The following NFASC variants were observed in gnomAD, a reference collection of about 807,000 sequenced individuals.
NFASC encodes the protein neurofascin homolog.
In NFASC, 43 loss-of-function variants were observed where a neutral mutation model predicts 147.5. That is an observed-to-expected ratio of 0.29 (90% CI 0.23 to 0.38). The LOEUF (loss-of-function observed/expected upper bound fraction) is 0.38. NFASC is among the 10% of genes least tolerant of loss of function. The probability of loss-of-function intolerance (pLI) is 1.00; values close to 1 mark genes in which losing one functional copy is unlikely to be tolerated. For missense variants in NFASC, 1,320 were observed against 1,689.0 expected, an observed-to-expected ratio of 0.78 and a Z score of 3.83; for synonymous variants, 622 against 665.5, an observed-to-expected ratio of 0.93 and a Z score of 1.01.
intron 21 of NFASC, among the ~76,000 whole-genome samples, chr1:204,983,656 A>G (rs550409408): frequency 1.3e-5 from 2 of 152,286 alleles, no homozygotes; most frequent in East Asian, 3.9e-4. Flanking sequence ...GGTTAAACCC[A>G]TCTGGAAGCC....
chr1:204,859,952 G>T (rs2076516270), intron 1 of NFASC, among the ~76,000 whole-genome samples: 1 of 152,190 alleles, frequency 6.6e-6, no homozygotes, highest in Non-Finnish European at 1.5e-5. Context: ...ATAAAGCCTT[G>T]AGCTGGGGGT....
At chr1:204,958,361 G>A (rs2094518298) in intron 8 of NFASC, among the ~76,000 whole-genome samples, 1 of 152,204 alleles carries the variant, frequency 6.6e-6, no homozygotes. Flanking sequence ...TGTATATGCT[G>A]AACCATATGG....
intron 1 of NFASC, among the ~76,000 whole-genome samples, chr1:204,889,016 G>A (rs941986183): frequency 2.0e-5 from 3 of 152,166 alleles, no homozygotes; most frequent in East Asian, 3.9e-4. Flanking sequence ...GATGCTTCCC[G>A]TGGGTTGTCA....
At chr1:204,886,712 G>A (rs2081375691) in intron 1 of NFASC, among the ~76,000 whole-genome samples, 1 of 152,146 alleles carries the variant, frequency 6.6e-6, no homozygotes, top group South Asian at 2.1e-4. Context: ...TGAGGCCCAG[G>A]GAGACGCAAC....
chr1:204,979,537 G>A lies in NFASC; in HGVS notation c.2154G>A (p.Glu718=). 6.2e-7 allele frequency: 1 copy of A among 1,613,676 alleles called. No homozygotes were observed. Among genetic ancestry groups the A allele is most frequent in the Non-Finnish European group, 8.5e-7 (1 of 1,179,988 alleles). ...GCAGCCACCCCAGCCTCCCATCCGA[G>A]CGCTACCGAACCAGTGGAGCACGTG... The part of the protein sequence containing the change: ...VGSSHPSLPS[E]RYRTSGAPPE... Residue 718 remains glutamate (E), a synonymous_variant, in exon 19 of 30, where the codon GAG becomes GAA. Coordinates refer to ENST00000339876, the MANE Select transcript of NFASC (RefSeq NM_001005388.3). This position sits in a 1 kb window ranked among gnomAD's most constrained non-coding sequence, Gnocchi z 6.0.
chr1:204,963,921 G>A (rs2094813876), intron 8 of NFASC, among the ~76,000 whole-genome samples: 3 of 152,318 alleles, frequency 2.0e-5, no homozygotes, highest in Non-Finnish European at 4.4e-5. Flanking sequence ...TGTAGCAGGA[G>A]GGCCACCCCA....
chr1:204,972,688 A>C (rs2095295486), intron 11 of NFASC, among the ~76,000 whole-genome samples: 1 of 152,206 alleles, frequency 6.6e-6, no homozygotes, highest in African/African-American at 2.4e-5. Flanking sequence ...TAACTTTATG[A>C]ATGTTTGGAG....
In NFASC at chr1:204,962,207, A is replaced by T. The variant is rs201398305; in HGVS notation, c.706+4381A>T. On this transcript the variant is annotated intron_variant, in intron 8 of 29. Coordinates refer to ENST00000339876, the MANE Select transcript of NFASC (RefSeq NM_001005388.3). ...GAGTAACCTTGCCTGTGCTAACCCCAGTTTGCCTAACTTGACTGATACCAC... is the reference window on the plus strand; with the variant it reads ...GAGTAACCTTGCCTGTGCTAACCCCTGTTTGCCTAACTTGACTGATACCAC... 2.5e-5 allele frequency: 38 copies of T among 1,504,980 alleles called. No individual in the cohort carries two copies. The African/African-American group carries it at 4.8e-4, about 19-fold the overall frequency. The allele number at this position is 1,504,980 out of a possible 1,614,324, so 93.2% of individuals were successfully genotyped here. A position where few individuals can be genotyped will look rare whatever the true frequency, so the allele number is the denominator to read the frequency against.
In NFASC at chr1:204,887,586, C is replaced by CTTTTTTTTTTTTT. The variant is rs200468415; in HGVS notation, c.-199-33028_-199-33016dup. Among the ~76,000 whole-genome samples, 6 of 42,336 alleles carry CTTTTTTTTTTTTT rather than the reference C, an allele frequency of 1.4e-4. 2 individuals are homozygous for CTTTTTTTTTTTTT. The highest frequency in any genetic ancestry group is 6.9e-4 in the Admixed American group (2 of 2,914). The allele number at this position is 42,336 out of a possible 152,430, so 27.8% of individuals were successfully genotyped here. A position where few individuals can be genotyped will look rare whatever the true frequency, so the allele number is the denominator to read the frequency against. On this transcript the variant is annotated intron_variant, in intron 1 of 29. Transcript: ENST00000339876. ...TAATTTTTTTGAGGAGCCTGATTGG[C>CTTTTTTTTTTTTT]TTTTTTTTTTTTTTTTTTTTTTTTT...
intron 1 of NFASC, among the ~76,000 whole-genome samples, chr1:204,891,840 GT>G (rs1479120348): frequency 1.3e-5 from 2 of 151,980 alleles, no homozygotes; most frequent in Non-Finnish European, 2.9e-5. Flanking sequence ...GAAGAGGCAC[GT>G]TGCCCAGGCA....
Position 205,015,672 on chromosome 1 carries a change from CCA to C in NFASC, c.3492-634_3492-633del, listed in dbSNP as rs1186004779. Reference sequence around the variant, plus strand: ...ATCACCTGCTTACCTGTGTGCCCCCCCACCACCACCACTCTTGCGCACCTGTG... The same window carrying C: ...ATCACCTGCTTACCTGTGTGCCCCCCCCACCACCACTCTTGCGCACCTGTG... On this transcript the variant is annotated intron_variant, in intron 29 of 29. Transcript: ENST00000339876. The surrounding 1 kb of genome is among the most constrained non-coding windows in gnomAD (Gnocchi z 4.0). Among the ~76,000 whole-genome samples the C allele has an allele frequency of 6.6e-6, 1 of 152,110 alleles. No homozygotes were observed. The highest frequency in any genetic ancestry group is 1.5e-5 in the Non-Finnish European group (1 of 68,014).
At chr1:204,970,510 G>C in intron 10 of NFASC, 106 bp from the exon 11 acceptor site, 1 of 1,332,806 alleles carries the variant, frequency 7.5e-7, no homozygotes, top group Non-Finnish European at 1.1e-6. Flanking sequence ...TGAGCACGTG[G>C]TGCTGGGACT....
chr1:204,872,300 G>A (rs1328348576), intron 1 of NFASC, among the ~76,000 whole-genome samples: 10 of 152,330 alleles, frequency 6.6e-5, no homozygotes, highest in Middle Eastern at 3.4e-3. Context: ...GGGTGATGAG[G>A]AGGCTCTACA....
At chr1:205,002,872 A>G in intron 27 of NFASC, 124 bp downstream of exon 27, 2 of 718,326 alleles carry the variant, frequency 2.8e-6, no homozygotes, top group Non-Finnish European at 2.0e-6. Context: ...CCCACCTTGC[A>G]TGGCGTGTCT....
chr1:204,834,199 A>G (rs1558471964), intron 1 of NFASC, among the ~76,000 whole-genome samples: 1 of 142,022 alleles, frequency 7.0e-6, no homozygotes, highest in Non-Finnish European at 1.5e-5. Context: ...TCCATGCCGC[A>G]AAGTCTTACA....
chr1:204,971,649 A>G (rs2095261288), intron 11 of NFASC, among the ~76,000 whole-genome samples: 1 of 152,168 alleles, frequency 6.6e-6, no homozygotes, highest in Admixed American at 6.5e-5. Flanking sequence ...CAAACATTTA[A>G]GGTAAGGAAA....
At chr1:204,980,245 T>A in intron 19 of NFASC, 125 bp from the exon 20 acceptor site, 2 of 745,262 alleles carry the variant, frequency 2.7e-6, no homozygotes, top group East Asian at 2.7e-5. Flanking sequence ...AGACCAAGCG[T>A]ATACATAGAT....
chr1:204,883,736 G>T (rs954521877), intron 1 of NFASC, among the ~76,000 whole-genome samples: 2 of 152,198 alleles, frequency 1.3e-5, no homozygotes, highest in African/African-American at 4.8e-5. Context: ...CTGCAGTCTG[G>T]CTGGTGCCAG....
At chr1:204,887,586 CTTTTTTTTTTTTTTTTTT>C (rs200468415) in intron 1 of NFASC, among the ~76,000 whole-genome samples, 3 of 42,336 alleles carry the variant, frequency 7.1e-5, no homozygotes, top group African/African-American at 2.6e-4. Context: ...GCCTGATTGG[CTTTTTTTTTTTTTTTTTT>C]TTTTTTTTTT....
Sources: allele counts gnomAD v4.1 joint callset (sites outside exome capture counted in the v4.1 genomes callset), GRCh38; gene constraint gnomAD v4.1.1; non-coding constraint Gnocchi (gnomAD v3.1); transcripts MANE v1.5; gene names NCBI Gene and HGNC (gene_info 2026-07-23, HGNC 2026-07-21).